The following ACTR3C variants were observed in gnomAD, a reference collection of about 807,000 sequenced individuals.
ACTR3C encodes the protein actin-related protein 3C.
ACTR3C carries 18 observed loss-of-function variants against 26.3 expected under a neutral mutation model. That is an observed-to-expected ratio of 0.68 (90% CI 0.47 to 1.01). The LOEUF (loss-of-function observed/expected upper bound fraction) is 1.01, where lower values mean the gene tolerates loss of function less well. ACTR3C is among the 50% of genes least tolerant of loss of function. The pLI, the probability that ACTR3C is intolerant of heterozygous loss-of-function variation, is 0.00. For missense variants in ACTR3C, 184 were observed against 250.7 expected (o/e 0.73, Z 1.80); for synonymous variants, 55 against 94.5 (o/e 0.58, Z 2.42).
chr7:150,047,401 G>A, the ACTR3C span, among the ~76,000 whole-genome samples: 15 of 152,088 alleles, frequency 9.9e-5, no homozygotes, highest in Non-Finnish European at 1.5e-4. Flanking sequence ...ACTCCCGGCC[G>A]CCGCGGCTGC....
the ACTR3C span, among the ~76,000 whole-genome samples, chr7:149,968,360 C>G: frequency 6.6e-6 from 1 of 152,056 alleles, no homozygotes; most frequent in Non-Finnish European, 1.5e-5. Context: ...GGTGAAACCC[C>G]GTCTCTACTA....
the ACTR3C span, among the ~76,000 whole-genome samples, chr7:150,151,260 T>A: frequency 7.3e-6 from 1 of 137,008 alleles, no homozygotes. Context: ...GAGATTGGGG[T>A]ATGATATGTG....
At chr7:149,903,888 TTGTTTGTTGTTGCTGGTTGTTG>T in the ACTR3C span, among the ~76,000 whole-genome samples, 3 of 40,534 alleles carry the variant, frequency 7.4e-5, no homozygotes, top group Admixed American at 3.8e-4. Flanking sequence ...GTTGTTGTTG[TTGTTTGTTGTTGCTGGTTGTTG>T]TTGTTGTTGT....
At chr7:150,205,950 C>A in the ACTR3C span, among the ~76,000 whole-genome samples, 3 of 151,904 alleles carry the variant, frequency 2.0e-5, no homozygotes, top group African/African-American at 7.3e-5. Flanking sequence ...AATGGGAAAT[C>A]CCACTAGGAA....
At chr7:150,237,620 C>A in the ACTR3C span, among the ~76,000 whole-genome samples, 1 of 152,152 alleles carries the variant, frequency 6.6e-6, no homozygotes, top group Non-Finnish European at 1.5e-5. Flanking sequence ...TAGAGAGGAA[C>A]AATGAAGGCC....
the ACTR3C span, among the ~76,000 whole-genome samples, chr7:149,925,653 C>CCA: frequency 6.6e-6 from 1 of 151,846 alleles, no homozygotes. Context: ...ACAGCCATAG[C>CCA]CACACACACA....
At chr7:149,921,089 G>A in the ACTR3C span, among the ~76,000 whole-genome samples, 7 of 152,116 alleles carry the variant, frequency 4.6e-5, no homozygotes, top group South Asian at 2.1e-4. Context: ...ACCAGGATAC[G>A]CTTCCATTTT....
chr7:150,242,648 C>A (rs1167237902), downstream of ACTR3C, among the ~76,000 whole-genome samples: 3 of 152,186 alleles, frequency 2.0e-5, no homozygotes, highest in Admixed American at 6.5e-5. Flanking sequence ...GTAGTATGAT[C>A]TGATGTATTT....
At chr7:150,100,731 C>A in the ACTR3C span, among the ~76,000 whole-genome samples, 3 of 150,882 alleles carry the variant, frequency 2.0e-5, no homozygotes, top group African/African-American at 7.4e-5. Flanking sequence ...GAGATGGGGG[C>A]CTCACTTTGT....
the ACTR3C span, among the ~76,000 whole-genome samples, chr7:149,932,490 C>T: frequency 5.9e-5 from 9 of 152,048 alleles, no homozygotes; most frequent in South Asian, 1.0e-3. Context: ...GTAAATTATA[C>T]GTCAAGGAAG....
chr7:150,035,284 G>A, the ACTR3C span, among the ~76,000 whole-genome samples: 4 of 62,570 alleles, frequency 6.4e-5, no homozygotes, highest in African/African-American at 1.4e-4. Flanking sequence ...CTGCCTCGTG[G>A]AGAGTGCCTC....
chr7:150,190,635 G>T, the ACTR3C span, among the ~76,000 whole-genome samples: 1 of 152,082 alleles, frequency 6.6e-6, no homozygotes, highest in Non-Finnish European at 1.5e-5. Flanking sequence ...TTGCATCTTT[G>T]CAACAAGTCA....
At chr7:150,034,152 G>C in the ACTR3C span, among the ~76,000 whole-genome samples, 5 of 152,026 alleles carry the variant, frequency 3.3e-5, no homozygotes, top group South Asian at 8.3e-4. Flanking sequence ...CAAAATAGGG[G>C]GCCTTTATGT....
the ACTR3C span, among the ~76,000 whole-genome samples, chr7:150,201,516 G>A: frequency 2.6e-5 from 4 of 151,910 alleles, no homozygotes; most frequent in Non-Finnish European, 4.4e-5. Context: ...GGGAGGCTGA[G>A]GAGGGTGGAT....
the ACTR3C span, among the ~76,000 whole-genome samples, chr7:149,989,035 C>T: frequency 6.6e-6 from 1 of 152,156 alleles, no homozygotes; most frequent in Non-Finnish European, 1.5e-5. Flanking sequence ...TGGAGGGTCT[C>T]TGATCAGCAT....
the ACTR3C span, among the ~76,000 whole-genome samples, chr7:150,068,269 C>T: frequency 5.7e-4 from 86 of 152,212 alleles, no homozygotes; most frequent in African/African-American, 1.7e-3. Flanking sequence ...AGGATAAATA[C>T]GCTTTGCTAC....
At chr7:150,177,173 AAAGT>A in the ACTR3C span, among the ~76,000 whole-genome samples, 4 of 150,852 alleles carry the variant, frequency 2.7e-5, no homozygotes, top group East Asian at 1.9e-4. Context: ...GAAATTTATA[AAAGT>A]TAGTTACTGA....
chr7:150,179,349 T>A, the ACTR3C span, among the ~76,000 whole-genome samples: 1 of 141,994 alleles, frequency 7.0e-6, no homozygotes, highest in Admixed American at 6.8e-5. Context: ...CCTTCTAAGG[T>A]GTCCACTAGA....
the ACTR3C span, among the ~76,000 whole-genome samples, chr7:150,108,436 A>T: frequency 6.6e-6 from 1 of 151,928 alleles, no homozygotes; most frequent in Non-Finnish European, 1.5e-5. Context: ...TTAAAAGACA[A>T]TTGCAAATGA....
Sources: gnomAD v4.1 joint callset for allele counts (sites outside exome capture counted in the v4.1 genomes callset) on GRCh38, gnomAD v4.1.1 for gene constraint, MANE v1.5 for transcripts, NCBI Gene and HGNC (gene_info 2026-07-23, HGNC 2026-07-21) for gene names.